RASSF5: variants seen among roughly 807,000 people sequenced by gnomAD.
RASSF5 encodes the protein Ras association domain family member 5.
A neutral mutation model predicts 40.5 loss-of-function variants in RASSF5; 25 were observed. The ratio of observed to expected loss-of-function variants is 0.62; its 90% CI spans 0.45 to 0.86. RASSF5 has a LOEUF of 0.86. Ranked by LOEUF, RASSF5 falls within the 40% of genes least tolerant of loss-of-function variation. The probability of loss-of-function intolerance (pLI) is 0.00; values close to 1 mark genes in which losing one functional copy is unlikely to be tolerated. For synonymous variants in RASSF5, 246 were observed against 252.4 expected, an observed-to-expected ratio of 0.97 and a Z score of 0.24; for missense variants, 521 against 572.8, an observed-to-expected ratio of 0.91 and a Z score of 0.92.
intron 2 of RASSF5, chr1:206,557,282 G>A (rs1490872975): frequency 5.0e-6 from 6 of 1,191,964 alleles, no homozygotes; most frequent in Middle Eastern, 3.3e-4. Flanking sequence ...CGCAGAGCCC[G>A]GACGAGTCAG....
intron 2 of RASSF5, among the ~76,000 whole-genome samples, chr1:206,550,099 G>A (rs960055304): frequency 2.0e-5 from 3 of 152,004 alleles, no homozygotes; most frequent in Admixed American, 6.6e-5. Context: ...CTTAGTACCC[G>A]CTCTGCACCA....
intron 1 of RASSF5, among the ~76,000 whole-genome samples, chr1:206,508,794 G>T (rs1666536436): frequency 6.6e-6 from 1 of 151,916 alleles, no homozygotes; most frequent in Non-Finnish European, 1.5e-5. Flanking sequence ...TCCTGACAGG[G>T]TCCCTTCCTC....
intron 2 of RASSF5, among the ~76,000 whole-genome samples, chr1:206,568,833 A>G (rs782087328): frequency 6.6e-6 from 1 of 152,236 alleles, no homozygotes; most frequent in Non-Finnish European, 1.5e-5. Flanking sequence ...TTGTGCAGGA[A>G]GTTCACTATG....
intron 2 of RASSF5, among the ~76,000 whole-genome samples, chr1:206,563,455 G>A (rs1668203193): frequency 6.6e-6 from 1 of 152,120 alleles, no homozygotes; most frequent in Non-Finnish European, 1.5e-5. Flanking sequence ...ATCTAAACTG[G>A]AAATCTCTTG....
chr1:206,517,021 C>T (rs1666764094), intron 1 of RASSF5, among the ~76,000 whole-genome samples: 1 of 152,164 alleles, frequency 6.6e-6, no homozygotes. Context: ...ACAACAAAGG[C>T]CATGGGCAGC....
intron 2 of RASSF5, chr1:206,557,529 G>A: frequency 1.2e-6 from 2 of 1,609,846 alleles, no homozygotes; most frequent in African/African-American, 2.7e-5. Flanking sequence ...CCCAAGCCCG[G>A]CCCCCTTGAT....
chr1:206,516,424 C>T (rs782313931), intron 1 of RASSF5, among the ~76,000 whole-genome samples: 24 of 151,646 alleles, frequency 1.6e-4, no homozygotes, highest in African/African-American at 3.1e-4. Context: ...GCAGCCCAAA[C>T]GGTGCATTCG....
At chr1:206,524,829 A>G (rs902566781) in intron 1 of RASSF5, among the ~76,000 whole-genome samples, 1 of 151,054 alleles carries the variant, frequency 6.6e-6, no homozygotes, top group Admixed American at 6.7e-5. Flanking sequence ...GCTCAACACC[A>G]TTACATTTGT....
Position 206,584,876 on chromosome 1 carries a change from G to C in RASSF5, c.988+192G>C. ...AAGAGCAGAGTCCCTGACTCTGCAT[G>C]TGACTTCAGGAAAACCACACCCTAG... On this transcript the variant is annotated intron_variant, in intron 4 of 5. Coordinates refer to ENST00000579436, the MANE Select transcript of RASSF5 (RefSeq NM_182663.4). The surrounding 1 kb of genome is among the most constrained non-coding windows in gnomAD (Gnocchi z 4.9). 1 of 638,396 alleles carries C rather than the reference G, an allele frequency of 1.6e-6. No homozygotes were observed. Among genetic ancestry groups the C allele is most frequent in the South Asian group, 1.9e-5 (1 of 51,648 alleles). The allele number at this position is 638,396 out of a possible 1,614,324, so 39.5% of individuals were successfully genotyped here. A position where few individuals can be genotyped will look rare whatever the true frequency, so the allele number is the denominator to read the frequency against.
At chr1:206,573,713 A>G (rs7513444) in intron 2 of RASSF5, among the ~76,000 whole-genome samples, 84,076 of 152,108 alleles carry the variant, frequency 0.55, 23,439 homozygotes, top group Middle Eastern at 0.68. Flanking sequence ...TCTACTTGGA[A>G]GTTAATATAA....
intron 1 of RASSF5, among the ~76,000 whole-genome samples, chr1:206,524,909 A>T (rs1231492853): frequency 6.6e-6 from 1 of 151,600 alleles, no homozygotes; most frequent in African/African-American, 2.4e-5. Flanking sequence ...GAGTGGGGAC[A>T]TGCTTCGGGC....
chr1:206,514,332 G>T (rs1200794142), intron 1 of RASSF5, among the ~76,000 whole-genome samples: 1 of 152,196 alleles, frequency 6.6e-6, no homozygotes, highest in African/African-American at 2.4e-5. Flanking sequence ...TATAACTACT[G>T]CCCTGGCCCC....
intron 2 of RASSF5, chr1:206,557,479 G>A: frequency 3.8e-6 from 6 of 1,572,852 alleles, no homozygotes; most frequent in African/African-American, 1.3e-5. Context: ...CTTACGCCAA[G>A]CGGAGCCCGG....
intron 2 of RASSF5, among the ~76,000 whole-genome samples, chr1:206,572,972 G>A (rs1400212774): frequency 6.6e-6 from 1 of 152,128 alleles, no homozygotes. Context: ...TACTGAAGAT[G>A]ATAATGGAAA....
At chr1:206,511,043 G>A (rs1553394577) in intron 1 of RASSF5, among the ~76,000 whole-genome samples, 1 of 152,162 alleles carries the variant, frequency 6.6e-6, no homozygotes, top group African/African-American at 2.4e-5. Flanking sequence ...TCTAACCTAA[G>A]CTTACCCCAC....
At chr1:206,583,518 G>A (rs1161289124) in intron 3 of RASSF5, 139 bp downstream of exon 3, 2 of 649,024 alleles carry the variant, frequency 3.1e-6, no homozygotes, top group East Asian at 2.8e-5. Flanking sequence ...GGCCTCCGGG[G>A]TCTGGAAGGC....
intron 2 of RASSF5, among the ~76,000 whole-genome samples, chr1:206,546,497 G>A (rs1553400211): frequency 6.6e-6 from 1 of 152,032 alleles, no homozygotes; most frequent in East Asian, 1.9e-4. Flanking sequence ...CTACTTGAAT[G>A]TACTTTATGA....
intron 1 of RASSF5, among the ~76,000 whole-genome samples, chr1:206,511,603 A>T (rs931861242): frequency 6.6e-6 from 1 of 152,098 alleles, no homozygotes; most frequent in African/African-American, 2.4e-5. Flanking sequence ...CAGAGCTGTG[A>T]AGTGTTAAGT....
rs559288478 is a variant in RASSF5 at position 206,563,637 on chromosome 1, C to T, written c.580-19632C>T. Among the ~76,000 whole-genome samples, 40 of 152,276 alleles carry T rather than the reference C, an allele frequency of 2.6e-4. No homozygotes were observed. The South Asian group carries it at 7.9e-3, about 30-fold the overall frequency. ...GGCTCCTGAATCTTTGGAGATGGGA[C>T]CCTGGATTCTGCTTTTCTAATACTT... On this transcript the variant is annotated intron_variant, in intron 2 of 5. Transcript: ENST00000579436.
Sources: allele counts gnomAD v4.1 joint callset (sites outside exome capture counted in the v4.1 genomes callset), GRCh38; gene constraint gnomAD v4.1.1; non-coding constraint Gnocchi (gnomAD v3.1); transcripts MANE v1.5; gene names NCBI Gene and HGNC (gene_info 2026-07-23, HGNC 2026-07-21).